Variants in DLG2 observed in about 807,000 individuals in gnomAD.
DLG2 encodes the protein disks large homolog 2.
A neutral mutation model predicts 132.5 loss-of-function variants in DLG2; 45 were observed. The ratio of observed to expected loss-of-function variants is 0.34; its 90% CI spans 0.27 to 0.44. The LOEUF is 0.44. DLG2 is among the 20% of genes least tolerant of loss of function. DLG2 has a pLI of 1.00. For synonymous variants in DLG2, 424 were observed against 419.6 expected, an observed-to-expected ratio of 1.01 and a Z score of -0.13; for missense variants, 1,045 against 1,196.9, an observed-to-expected ratio of 0.87 and a Z score of 1.87.
At chr11:84,926,587 T>A (rs2092986522) in intron 6 of DLG2, among the ~76,000 whole-genome samples, 1 of 151,848 alleles carries the variant, frequency 6.6e-6, no homozygotes, top group Admixed American at 6.6e-5. Flanking sequence ...GGGAGAGGTG[T>A]GGGGTGTGGG....
chr11:84,355,973 A>G (rs966031233), intron 7 of DLG2, among the ~76,000 whole-genome samples: 1 of 152,126 alleles, frequency 6.6e-6, no homozygotes, highest in African/African-American at 2.4e-5. Context: ...CTAGATTGTC[A>G]ATACTTCATG....
At chr11:84,674,135 CCTT>C (rs1291827659) in intron 6 of DLG2, among the ~76,000 whole-genome samples, 1 of 152,084 alleles carries the variant, frequency 6.6e-6, no homozygotes, top group Non-Finnish European at 1.5e-5. Flanking sequence ...TGATGAGTGT[CCTT>C]CTAAATTTGT....
chr11:85,165,263 G>C (rs1440621976), intron 4 of DLG2, among the ~76,000 whole-genome samples: 1 of 152,136 alleles, frequency 6.6e-6, no homozygotes, highest in Middle Eastern at 3.2e-3. Flanking sequence ...ATGTGAAATA[G>C]CTTGACTTCT....
chr11:84,496,094 T>C (rs2099182735), intron 7 of DLG2, among the ~76,000 whole-genome samples: 2 of 151,998 alleles, frequency 1.3e-5, no homozygotes. Flanking sequence ...TGTGTGTAGG[T>C]GGAGAGAATA....
At chr11:83,868,783 C>A (rs879680109) in intron 16 of DLG2, among the ~76,000 whole-genome samples, 3 of 152,096 alleles carry the variant, frequency 2.0e-5, no homozygotes, top group Non-Finnish European at 4.4e-5. Flanking sequence ...TATTTATCAG[C>A]ATGTCAACTC....
chr11:84,599,296 C>A (rs973404184), intron 6 of DLG2, among the ~76,000 whole-genome samples: 2 of 152,064 alleles, frequency 1.3e-5, no homozygotes, highest in Non-Finnish European at 2.9e-5. Flanking sequence ...ATTAACTGAG[C>A]CTTGTTTTAC....
In DLG2 at chr11:84,701,764, T is replaced by G. The variant is rs143308178; in HGVS notation, c.358-167033A>C. On this transcript the variant is annotated intron_variant, in intron 6 of 27. Transcript: ENST00000376104. ...AGCTTCCTTCATGCCCAACTTGCAG[T>G]GTCCTCATTGTCTTCTTTCTGTGGC... 2.5e-4 allele frequency among the ~76,000 whole-genome samples: 38 copies of G among 151,800 alleles called. No individual in the cohort carries two copies. In the East Asian group the frequency reaches 7.4e-3, roughly 30 times the overall value.
intron 9 of DLG2, among the ~76,000 whole-genome samples, chr11:84,099,364 CATTAG>C (rs2092192270): frequency 6.6e-6 from 1 of 151,936 alleles, no homozygotes; most frequent in Non-Finnish European, 1.5e-5. Context: ...TATAAAGAAT[CATTAG>C]AGTGTCAACT....
chr11:83,761,968 A>G (rs1027661794), intron 18 of DLG2, among the ~76,000 whole-genome samples: 1 of 152,188 alleles, frequency 6.6e-6, no homozygotes, highest in African/African-American at 2.4e-5. Context: ...GATGCTGGGC[A>G]AGTACCAACA....
chr11:83,955,750 G>A (rs553730032), intron 14 of DLG2, among the ~76,000 whole-genome samples: 1 of 152,300 alleles, frequency 6.6e-6, no homozygotes, highest in South Asian at 2.1e-4. Flanking sequence ...GATAAAAGCA[G>A]GCAGAGGAAC....
chr11:84,992,575 A>G (rs1295287358), intron 6 of DLG2, among the ~76,000 whole-genome samples: 1 of 152,144 alleles, frequency 6.6e-6, no homozygotes. Flanking sequence ...TGACTTTTTA[A>G]TAATAGCCAT....
intron 5 of DLG2, among the ~76,000 whole-genome samples, chr11:85,152,998 A>G (rs1040607786): frequency 6.6e-6 from 1 of 152,224 alleles, no homozygotes; most frequent in Non-Finnish European, 1.5e-5. Flanking sequence ...GAAGGCATTT[A>G]GTGCTCTACT....
intron 17 of DLG2, among the ~76,000 whole-genome samples, chr11:83,823,827 G>T (rs1184985389): frequency 6.6e-6 from 1 of 152,110 alleles, no homozygotes; most frequent in Admixed American, 6.5e-5. Context: ...GTATACAATG[G>T]CTTCCTGTGG....
intron 6 of DLG2, among the ~76,000 whole-genome samples, chr11:84,693,954 G>A (rs1347417058): frequency 6.6e-6 from 1 of 151,402 alleles, no homozygotes; most frequent in Non-Finnish European, 1.5e-5. Flanking sequence ...TGGGTTTTTT[G>A]TTCATGGCGC....
chr11:85,578,936 G>C (rs2078335323), intron 3 of DLG2, among the ~76,000 whole-genome samples: 1 of 152,252 alleles, frequency 6.6e-6, no homozygotes, highest in South Asian at 2.1e-4. Context: ...GCATGTGTAT[G>C]CTCATTGTAA....
At chr11:84,180,875 AAATGT>A in intron 8 of DLG2, among the ~76,000 whole-genome samples, 1 of 152,082 alleles carries the variant, frequency 6.6e-6, no homozygotes, top group East Asian at 1.9e-4. Flanking sequence ...AAAATTAAGG[AAATGT>A]TTCTGTCAGT....
chr11:84,900,262 T>G (rs2090722412), intron 6 of DLG2, among the ~76,000 whole-genome samples: 1 of 152,094 alleles, frequency 6.6e-6, no homozygotes. Flanking sequence ...AGATGTGAAT[T>G]TTAAAATCAA....
chr11:85,002,855 C>T (rs1349593905), intron 6 of DLG2, among the ~76,000 whole-genome samples: 1 of 151,888 alleles, frequency 6.6e-6, no homozygotes, highest in African/African-American at 2.4e-5. Context: ...CAGCTCAAAA[C>T]AATGTGAATA....
At chr11:84,713,420 T>C (rs895433337) in intron 6 of DLG2, among the ~76,000 whole-genome samples, 1 of 152,100 alleles carries the variant, frequency 6.6e-6, no homozygotes, top group Non-Finnish European at 1.5e-5. Context: ...TGGTAGCAGG[T>C]CAGTGTGTGT....
Sources: gnomAD v4.1 joint callset for allele counts (sites outside exome capture counted in the v4.1 genomes callset) on GRCh38, gnomAD v4.1.1 for gene constraint, MANE v1.5 for transcripts, NCBI Gene and HGNC (gene_info 2026-07-23, HGNC 2026-07-21) for gene names.